HDAC9: variants seen among roughly 807,000 people sequenced by gnomAD.
The protein encoded by HDAC9 is histone deacetylase 9, also known as MEF-2 interacting transcription repressor (MITR) protein.
HDAC9 carries 41 observed loss-of-function variants against 139.4 expected under a neutral mutation model. The ratio of observed to expected loss-of-function variants is 0.29; its 90% confidence interval spans 0.23 to 0.38. The LOEUF is 0.38. HDAC9 is among the 10% of genes least tolerant of loss of function. The probability of loss-of-function intolerance (pLI) is 1.00; values close to 1 mark genes in which losing one functional copy is unlikely to be tolerated. For missense variants in HDAC9, 1,147 were observed against 1,297.0 expected, an observed-to-expected ratio of 0.88 and a Z score of 1.78; for synonymous variants, 517 against 476.2, an observed-to-expected ratio of 1.09 and a Z score of -1.12.
At chr7:18,682,752 G>A (rs933853417) in intron 12 of HDAC9, among the ~76,000 whole-genome samples, 50 of 151,946 alleles carry the variant, frequency 3.3e-4, no homozygotes, top group African/African-American at 1.2e-3. Flanking sequence ...GGAGGTGGAG[G>A]TGGGTGGATC....
intron 1 of HDAC9, among the ~76,000 whole-genome samples, chr7:18,096,653 T>TA (rs1782520841): frequency 6.6e-6 from 1 of 152,228 alleles, no homozygotes; most frequent in Non-Finnish European, 1.5e-5. Context: ...ACTATATGCT[T>TA]ACTGTTTTGT....
intron 13 of HDAC9, among the ~76,000 whole-genome samples, chr7:18,738,205 C>T (rs1787107617): frequency 6.6e-6 from 1 of 152,172 alleles, no homozygotes; most frequent in African/African-American, 2.4e-5. Flanking sequence ...GATCTTGACT[C>T]ATTGTCCAAT....
chr7:18,549,109 G>C (rs1311581145), intron 2 of HDAC9, among the ~76,000 whole-genome samples: 1 of 152,056 alleles, frequency 6.6e-6, no homozygotes, highest in Non-Finnish European at 1.5e-5. Flanking sequence ...GTGGTGGTGC[G>C]TGCCTGTAGT....
intron 1 of HDAC9, among the ~76,000 whole-genome samples, chr7:18,373,821 A>G (rs1427012073): frequency 6.6e-6 from 1 of 152,134 alleles, no homozygotes; most frequent in Non-Finnish European, 1.5e-5. Context: ...CATTTAAGTC[A>G]TGCTAACTTT....
At chr7:18,852,259 G>A (rs558898509) in intron 21 of HDAC9, among the ~76,000 whole-genome samples, 56 of 152,206 alleles carry the variant, frequency 3.7e-4, no homozygotes, top group Non-Finnish European at 6.5e-4. Context: ...TAGAGAATGA[G>A]CAAAGCCTGA....
chr7:18,777,737 T>G (rs1487257740), intron 16 of HDAC9, among the ~76,000 whole-genome samples: 1 of 151,944 alleles, frequency 6.6e-6, no homozygotes, highest in Admixed American at 6.6e-5. Context: ...CCAGTGGTAT[T>G]CAGAGGATTG....
Position 18,644,977 on chromosome 7 carries a change from T to C in HDAC9, c.1035+184T>C, listed in dbSNP as rs116243010. ...GTCTAATTTCAAGTCAGAATTATCC[T>C]GGTTCACATAATCATATGTAAACAT... On this transcript the variant is annotated intron_variant, in intron 9 of 25. Transcript: ENST00000686413. Among the ~76,000 whole-genome samples the C allele has an allele frequency of 8.2e-3, 1,244 of 152,264 alleles. 15 individuals carry two copies. Among genetic ancestry groups the C allele is most frequent in the African/African-American group, 0.028 (1,183 of 41,560 alleles).
At position 18,429,492 on chromosome 7, in the gene HDAC9, A is replaced by G. The variant is rs184652998; in HGVS notation, c.-41-66770A>G. On this transcript the variant is annotated intron_variant, in intron 1 of 3. Coordinates refer to the HDAC9 transcript ENST00000413509. The stretch of plus-strand genomic sequence containing the variant: ...TTCCCCTGGATGCTTGGGCTTCATC[A>G]TTTAATGTCCTCAATTGCAGATGGC... 3.2e-4 allele frequency: 48 copies of G among 152,088 alleles called. No homozygotes were observed. The East Asian group carries it at 9.3e-3, about 29-fold the overall frequency. The allele number at this position is 152,088 out of a possible 1,614,324, so 9.4% of individuals were successfully genotyped here.
intron 2 of HDAC9, among the ~76,000 whole-genome samples, chr7:18,259,686 A>T (rs1054972052): frequency 6.6e-6 from 1 of 152,146 alleles, no homozygotes; most frequent in Non-Finnish European, 1.5e-5. Flanking sequence ...TTTATCCTCA[A>T]GTGTTGTGTG....
At chr7:18,771,145 G>A (rs1396521038) in intron 16 of HDAC9, among the ~76,000 whole-genome samples, 2 of 152,144 alleles carry the variant, frequency 1.3e-5, no homozygotes, top group Admixed American at 6.6e-5. Context: ...ACCTGACTAA[G>A]TGGTTGAAGA....
chr7:18,744,079 C>T (rs545942980), intron 13 of HDAC9, among the ~76,000 whole-genome samples: 105 of 143,096 alleles, frequency 7.3e-4, no homozygotes, highest in African/African-American at 2.5e-3. Flanking sequence ...TGCAACAGCA[C>T]TCCCAGGTTC....
chr7:18,866,843 G>C (rs1798538037), intron 21 of HDAC9, among the ~76,000 whole-genome samples: 2 of 152,146 alleles, frequency 1.3e-5, no homozygotes, highest in African/African-American at 2.4e-5. Context: ...TGAGTCATGG[G>C]AAATTACTAG....
chr7:18,957,737 T>A (rs1266937765), intron 24 of HDAC9, among the ~76,000 whole-genome samples: 1 of 152,184 alleles, frequency 6.6e-6, no homozygotes, highest in East Asian at 1.9e-4. Flanking sequence ...AAGGTAGTCC[T>A]TGTTCAACAG....
chr7:18,902,442 T>A (rs1801816721), intron 22 of HDAC9, among the ~76,000 whole-genome samples: 1 of 152,164 alleles, frequency 6.6e-6, no homozygotes, highest in Non-Finnish European at 1.5e-5. Context: ...TTGGCAGGAA[T>A]AACTCTCTGT....
intron 1 of HDAC9, among the ~76,000 whole-genome samples, chr7:18,359,855 C>A (rs1783638573): frequency 6.6e-6 from 1 of 152,124 alleles, no homozygotes; most frequent in Admixed American, 6.5e-5. Context: ...GTGATCCGCC[C>A]ACCTCGGCCT....
intron 2 of HDAC9, among the ~76,000 whole-genome samples, chr7:18,550,194 G>C (rs1325085173): frequency 6.6e-6 from 1 of 152,154 alleles, no homozygotes; most frequent in African/African-American, 2.4e-5. Flanking sequence ...GAAAGTTAGT[G>C]ATAGAAAGCA....
At chr7:18,928,497 T>C (rs373232282) in intron 22 of HDAC9, among the ~76,000 whole-genome samples, 13 of 152,338 alleles carry the variant, frequency 8.5e-5, no homozygotes, top group African/African-American at 3.1e-4. Context: ...TAGAATAAGA[T>C]AAACACTAAC....
chr7:18,538,681 ATAG>A (rs964363211), intron 2 of HDAC9, among the ~76,000 whole-genome samples: 3 of 152,220 alleles, frequency 2.0e-5, no homozygotes, highest in African/African-American at 7.2e-5. Flanking sequence ...TTGCAATAGC[ATAG>A]TCATAATAAT....
chr7:18,539,787 A>C (rs1056643698), intron 2 of HDAC9, among the ~76,000 whole-genome samples: 2 of 152,042 alleles, frequency 1.3e-5, no homozygotes, highest in South Asian at 4.2e-4. Flanking sequence ...TTTAGGGGTG[A>C]TGAGGCTCTT....
Sources: gnomAD v4.1 joint callset for allele counts (sites outside exome capture counted in the v4.1 genomes callset) on GRCh38, gnomAD v4.1.1 for gene constraint, MANE v1.5 for transcripts, NCBI Gene and HGNC (gene_info 2026-07-23, HGNC 2026-07-21) for gene names.